AUH: variants seen among roughly 807,000 people sequenced by gnomAD.
The protein encoded by AUH is methylglutaconyl-CoA hydratase, mitochondrial.
A neutral mutation model predicts 42.3 loss-of-function variants in AUH; 29 were observed. That is an observed-to-expected ratio of 0.69 (90% CI 0.51 to 0.93). The LOEUF (loss-of-function observed/expected upper bound fraction) is 0.93, where lower values mean the gene tolerates loss of function less well. AUH is among the 40% of genes least tolerant of loss of function. AUH has a pLI of 0.00. For missense variants in AUH, 452 were observed against 438.1 expected (o/e 1.03, Z -0.28); for synonymous variants, 174 against 166.4 (o/e 1.05, Z -0.35).
Position 91,357,847 on chromosome 9 carries a change from T to C in AUH, c.263-1692A>G, listed in dbSNP as rs559940400. Among the ~76,000 whole-genome samples the C allele has an allele frequency of 7.2e-5, 11 of 152,186 alleles. No individual in the cohort carries two copies. The East Asian group carries it at 2.1e-3, about 29-fold the overall frequency. ...AGAGTGACCAATGAAAGTAAAGAGG[T>C]CAGCACAAGCCAGAAATATCCTTAC... On this transcript the variant is annotated intron_variant, in intron 1 of 9. Coordinates refer to ENST00000375731, the MANE Select transcript of AUH (RefSeq NM_001698.3).
At chr9:91,341,586 G>A (rs963027969) in intron 3 of AUH, among the ~76,000 whole-genome samples, 1 of 152,142 alleles carries the variant, frequency 6.6e-6, no homozygotes, top group Non-Finnish European at 1.5e-5. Flanking sequence ...CTGTATCAAA[G>A]CTTGTTTTAT....
chr9:91,283,542 T>A (rs1826147980), intron 6 of AUH, among the ~76,000 whole-genome samples: 1 of 152,222 alleles, frequency 6.6e-6, no homozygotes, highest in South Asian at 2.1e-4. Flanking sequence ...GCAGATGATA[T>A]GATTGCATAT....
At chr9:91,223,237 C>T (rs1827237025) in intron 6 of AUH, among the ~76,000 whole-genome samples, 1 of 152,174 alleles carries the variant, frequency 6.6e-6, no homozygotes, top group Admixed American at 6.5e-5. Context: ...GGCTCACCCA[C>T]TAACACTGCA....
chr9:91,319,872 G>A (rs149271448), intron 4 of AUH, among the ~76,000 whole-genome samples: 4 of 152,186 alleles, frequency 2.6e-5, no homozygotes, highest in Non-Finnish European at 5.9e-5. Context: ...CTCTCAAGTC[G>A]TCTACTTGAT....
chr9:91,260,545 A>G (rs1318070433), intron 6 of AUH, among the ~76,000 whole-genome samples: 1 of 152,204 alleles, frequency 6.6e-6, no homozygotes, highest in Non-Finnish European at 1.5e-5. Context: ...GAGAGAATAC[A>G]GCTAACAGGA....
chr9:91,355,735 G>GTTTTTT, intron 3 of AUH, 148 bp downstream of exon 3: 3 of 709,168 alleles, frequency 4.2e-6, no homozygotes, highest in Non-Finnish European at 7.2e-6. Context: ...GACTAAGCAT[G>GTTTTTT]TTTTTTTCTT....
At chr9:91,223,651 T>C (rs1827262631) in intron 6 of AUH, among the ~76,000 whole-genome samples, 1 of 152,202 alleles carries the variant, frequency 6.6e-6, no homozygotes, top group African/African-American at 2.4e-5. Context: ...CCATAATGTT[T>C]TCCATAGTCA....
intron 4 of AUH, among the ~76,000 whole-genome samples, chr9:91,308,350 G>A (rs1372689602): frequency 1.3e-5 from 2 of 152,134 alleles, no homozygotes; most frequent in Non-Finnish European, 2.9e-5. Context: ...AAGAGAGCGA[G>A]ACACTGTCTC....
intron 3 of AUH, among the ~76,000 whole-genome samples, chr9:91,335,107 T>C (rs1180137618): frequency 2.0e-5 from 3 of 152,292 alleles, no homozygotes; most frequent in Admixed American, 2.0e-4. Flanking sequence ...AAGACTCTCT[T>C]TTTCTATTTT....
intron 6 of AUH, among the ~76,000 whole-genome samples, chr9:91,234,414 C>T (rs1828063882): frequency 6.6e-6 from 1 of 152,156 alleles, no homozygotes; most frequent in African/African-American, 2.4e-5. Flanking sequence ...TCCTGGGTTC[C>T]AGTTTGTGCT....
At chr9:91,325,117 T>C (rs1187630869) in intron 4 of AUH, among the ~76,000 whole-genome samples, 1 of 152,144 alleles carries the variant, frequency 6.6e-6, no homozygotes, top group Non-Finnish European at 1.5e-5. Flanking sequence ...TATTTTATCA[T>C]ACATAAGACA....
At chr9:91,312,368 T>C (rs1828764362) in intron 4 of AUH, among the ~76,000 whole-genome samples, 1 of 152,196 alleles carries the variant, frequency 6.6e-6, no homozygotes, top group Admixed American at 6.5e-5. Flanking sequence ...TGAACCCTGA[T>C]TTGTATCAGT....
intron 6 of AUH, among the ~76,000 whole-genome samples, chr9:91,245,394 C>A (rs1828740177): frequency 6.6e-6 from 1 of 152,148 alleles, no homozygotes; most frequent in African/African-American, 2.4e-5. Context: ...AGAAACAAGG[C>A]CCCACTTCTC....
intron 4 of AUH, among the ~76,000 whole-genome samples, chr9:91,309,982 C>A (rs1161580858): frequency 6.6e-6 from 1 of 152,128 alleles, no homozygotes; most frequent in African/African-American, 2.4e-5. Flanking sequence ...ATCCAGTGGT[C>A]ATGGCTTCAC....
chr9:91,337,395 CCA>C (rs978988213), intron 3 of AUH, among the ~76,000 whole-genome samples: 8 of 152,154 alleles, frequency 5.3e-5, no homozygotes, highest in African/African-American at 1.9e-4. Flanking sequence ...TCCCAACTCC[CCA>C]CAGTCCATAT....
chr9:91,334,779 C>T (rs1309892195), intron 3 of AUH, among the ~76,000 whole-genome samples: 4 of 152,142 alleles, frequency 2.6e-5, no homozygotes, highest in East Asian at 3.8e-4. Context: ...GGGGTTATTA[C>T]GCAGTGATTA....
intron 6 of AUH, among the ~76,000 whole-genome samples, chr9:91,270,596 C>G (rs140565526): frequency 6.6e-6 from 1 of 152,074 alleles, no homozygotes; most frequent in Non-Finnish European, 1.5e-5. Flanking sequence ...AAAGTAGACA[C>G]CCCTTGTAGA....
At chr9:91,339,314 T>G (rs1316098775) in intron 3 of AUH, among the ~76,000 whole-genome samples, 1 of 152,212 alleles carries the variant, frequency 6.6e-6, no homozygotes, top group Non-Finnish European at 1.5e-5. Flanking sequence ...AAACCATCAT[T>G]AAGTGAGGGA....
chr9:91,312,838 T>A (rs923959306), intron 4 of AUH, among the ~76,000 whole-genome samples: 4 of 152,170 alleles, frequency 2.6e-5, no homozygotes, highest in Non-Finnish European at 5.9e-5. Context: ...AGGGTCTGTA[T>A]AGGAAGCAGG....
Sources: allele counts gnomAD v4.1 joint callset (sites outside exome capture counted in the v4.1 genomes callset), GRCh38; gene constraint gnomAD v4.1.1; transcripts MANE v1.5; gene names NCBI Gene and HGNC (gene_info 2026-07-23, HGNC 2026-07-21).